Variants in ENTREP2 observed in about 807,000 individuals in gnomAD.
ENTREP2 encodes protein ENTREP2.
chr15:29,570,406 A>C, the ENTREP2 span: 6 of 712,562 alleles, frequency 8.4e-6, no homozygotes, highest in African/African-American at 1.9e-5. Context: ...TGGCCGCCGG[A>C]ACTTGCCGCC....
chr15:29,464,233 A>T, the ENTREP2 span, among the ~76,000 whole-genome samples: 24 of 150,852 alleles, frequency 1.6e-4, no homozygotes, highest in African/African-American at 5.7e-4. Flanking sequence ...GATACTAAAA[A>T]AAAAAGATAA....
the ENTREP2 span, among the ~76,000 whole-genome samples, chr15:29,649,226 C>T: frequency 4.9e-4 from 74 of 152,076 alleles, 1 homozygote; most frequent in South Asian, 0.015. Flanking sequence ...TCAAAAGAGG[C>T]ATACAATTAA....
the ENTREP2 span, among the ~76,000 whole-genome samples, chr15:29,284,539 A>G: frequency 7.0e-6 from 1 of 143,730 alleles, no homozygotes; most frequent in African/African-American, 2.6e-5. Context: ...CCTGGGTGAC[A>G]GAGAGAGACT....
chr15:29,561,923 T>C, the ENTREP2 span, among the ~76,000 whole-genome samples: 2 of 152,160 alleles, frequency 1.3e-5, no homozygotes, highest in Admixed American at 6.5e-5. Context: ...TGATAACACC[T>C]GGAGGACAGC....
chr15:29,434,122 A>G, the ENTREP2 span, among the ~76,000 whole-genome samples: 1 of 152,226 alleles, frequency 6.6e-6, no homozygotes, highest in Non-Finnish European at 1.5e-5. Context: ...CCGTGGCTCT[A>G]GCTGGCATGC....
At chr15:29,624,593 G>A in the ENTREP2 span, among the ~76,000 whole-genome samples, 1 of 152,304 alleles carries the variant, frequency 6.6e-6, no homozygotes, top group Non-Finnish European at 1.5e-5. Flanking sequence ...AACTGCATGA[G>A]CTCTAACTAC....
At chr15:29,471,212 A>T in the ENTREP2 span, among the ~76,000 whole-genome samples, 1 of 152,212 alleles carries the variant, frequency 6.6e-6, no homozygotes, top group South Asian at 2.1e-4. Flanking sequence ...ATTTTCACAT[A>T]CTGAGCTTCC....
the ENTREP2 span, among the ~76,000 whole-genome samples, chr15:29,362,846 C>T: frequency 6.6e-6 from 1 of 152,160 alleles, no homozygotes; most frequent in Admixed American, 6.5e-5. Context: ...AGTATTTTAT[C>T]AACAACTATT....
At chr15:29,171,258 C>T in the ENTREP2 span, among the ~76,000 whole-genome samples, 1 of 152,194 alleles carries the variant, frequency 6.6e-6, no homozygotes, top group Non-Finnish European at 1.5e-5. Flanking sequence ...AGACAGTGGG[C>T]TTTTCTATCT....
chr15:29,124,576 G>A, the ENTREP2 span: 7 of 861,620 alleles, frequency 8.1e-6, no homozygotes, highest in Admixed American at 2.5e-5. Context: ...CCCCATTCCC[G>A]GGGGTGGGGT....
the ENTREP2 span, among the ~76,000 whole-genome samples, chr15:29,517,134 G>A: frequency 5.3e-5 from 8 of 152,206 alleles, no homozygotes; most frequent in Admixed American, 2.0e-4. Context: ...AAGACTATGA[G>A]GAAATACCAC....
At chr15:29,436,199 T>G in the ENTREP2 span, among the ~76,000 whole-genome samples, 8,971 of 152,284 alleles carry the variant, frequency 0.059, 311 homozygotes, top group African/African-American at 0.098. Flanking sequence ...CACCTGACAC[T>G]GACCTGGAGA....
At chr15:29,540,400 AAAAG>A in the ENTREP2 span, among the ~76,000 whole-genome samples, 17 of 152,256 alleles carry the variant, frequency 1.1e-4, no homozygotes, top group African/African-American at 3.4e-4. Context: ...TAATGTATCA[AAAAG>A]AAAGAAAGAA....
chr15:29,596,283 G>C, the ENTREP2 span, among the ~76,000 whole-genome samples: 1 of 152,176 alleles, frequency 6.6e-6, no homozygotes. Context: ...TGAGAAGCAT[G>C]AGTTCCTACT....
chr15:29,207,044 G>A, the ENTREP2 span, among the ~76,000 whole-genome samples: 2 of 152,124 alleles, frequency 1.3e-5, no homozygotes, highest in Non-Finnish European at 2.9e-5. Flanking sequence ...CCCGCGAGTG[G>A]CTCAAAGCTA....
At chr15:29,647,687 G>A in the ENTREP2 span, among the ~76,000 whole-genome samples, 2 of 152,072 alleles carry the variant, frequency 1.3e-5, no homozygotes, top group Non-Finnish European at 2.9e-5. Context: ...ATGATTTAAA[G>A]GACATACTCC....
the ENTREP2 span, among the ~76,000 whole-genome samples, chr15:29,291,105 C>T: frequency 1.3e-5 from 2 of 152,164 alleles, no homozygotes; most frequent in Non-Finnish European, 2.9e-5. Flanking sequence ...TCCCCCTAGA[C>T]AGCAATTCTG....
chr15:29,296,891 CAAATGTGGCCTATT>C, the ENTREP2 span, among the ~76,000 whole-genome samples: 3 of 152,152 alleles, frequency 2.0e-5, no homozygotes, highest in Admixed American at 6.5e-5. Context: ...GCACATGGGT[CAAATGTGGCCTATT>C]GCCCTGTTAT....
At chr15:29,126,023 C>G in the ENTREP2 span, among the ~76,000 whole-genome samples, 2 of 152,172 alleles carry the variant, frequency 1.3e-5, no homozygotes, top group Non-Finnish European at 2.9e-5. Context: ...ATGTCCTGGA[C>G]TGGGCCCCGG....
Sources: gnomAD v4.1 joint callset for allele counts (sites outside exome capture counted in the v4.1 genomes callset) on GRCh38, gnomAD v4.1.1 for gene constraint, MANE v1.5 for transcripts, NCBI Gene and HGNC (gene_info 2026-07-23, HGNC 2026-07-21) for gene names.